Variants in CTDP1 observed in about 807,000 individuals in gnomAD.
The protein encoded by CTDP1 is RNA polymerase II subunit A C-terminal domain phosphatase.
CTDP1 carries 47 observed loss-of-function variants against 91.8 expected under a neutral mutation model. The ratio of observed to expected loss-of-function variants is 0.51; its 90% CI spans 0.41 to 0.65. The LOEUF (loss-of-function observed/expected upper bound fraction) is 0.65. Ranked by LOEUF, CTDP1 falls within the 30% of genes least tolerant of loss-of-function variation. The pLI, the probability that CTDP1 is intolerant of heterozygous loss-of-function variation, is 0.00. For missense variants in CTDP1, 1,272 were observed against 1,373.7 expected (o/e 0.93, Z 1.17); for synonymous variants, 656 against 598.5 (o/e 1.10, Z -1.40).
At chr18:79,748,981 C>T (rs1253362523) in intron 12 of CTDP1, among the ~76,000 whole-genome samples, 1 of 152,238 alleles carries the variant, frequency 6.6e-6, no homozygotes, top group East Asian at 1.9e-4. Flanking sequence ...GAGGTGGTCC[C>T]TTCCGTGGGC....
At position 79,681,565 on chromosome 18, in the gene CTDP1, A is replaced by G. The variant is rs149629309; in HGVS notation, c.314+1304A>G. On this transcript the variant is annotated intron_variant, in intron 1 of 12. Transcript: ENST00000613122. ...AAGTTAGTATTGAAATTCCATGTTC[A>G]GTCAGTCTAGTGAATAAAACCAACC... is the stretch of plus-strand genomic sequence containing the variant. 14 of 905,402 alleles carry G rather than the reference A, an allele frequency of 1.5e-5. No homozygotes were observed. The East Asian group carries it at 1.3e-3, about 84-fold the overall frequency. The allele number at this position is 905,402 out of a possible 1,614,324, so 56.1% of individuals were successfully genotyped here.
chr18:79,723,845 GCTGT>G (rs1285655594), intron 10 of CTDP1, among the ~76,000 whole-genome samples: 1 of 152,164 alleles, frequency 6.6e-6, no homozygotes, highest in Admixed American at 6.5e-5. Context: ...TCTCCGGAGT[GCTGT>G]GTACGGCAAG....
chr18:79,710,484 C>A, intron 6 of CTDP1, 48 bp downstream of exon 6: 1 of 1,377,912 alleles, frequency 7.3e-7, no homozygotes, highest in African/African-American at 1.4e-5. Flanking sequence ...GTTCATTTCC[C>A]ATTTCAAAAA....
chr18:79,727,255 G>A (rs1049758395), intron 10 of CTDP1, among the ~76,000 whole-genome samples: 1 of 152,240 alleles, frequency 6.6e-6, no homozygotes, highest in Non-Finnish European at 1.5e-5. Context: ...TTGGCCCTTT[G>A]AACAACACTG....
chr18:79,683,284 G>A (rs909143888), intron 1 of CTDP1: 22 of 152,360 alleles, frequency 1.4e-4, no homozygotes, highest in African/African-American at 5.3e-4. Context: ...CAAGCATTTG[G>A]TTGAAGTTTG....
In CTDP1 at chr18:79,713,256, T is replaced by C. The variant is rs2086120038; in HGVS notation, c.1030+118T>C. 5.5e-6 allele frequency: 6 copies of C among 1,082,060 alleles called. No homozygotes were observed. The allele number at this position is 1,082,060 out of a possible 1,614,324, so 67.0% of individuals were successfully genotyped here. A position where few individuals can be genotyped will look rare whatever the true frequency, so the allele number is the denominator to read the frequency against. On this transcript the variant is annotated intron_variant, in intron 7 of 12. Transcript: ENST00000613122. This position sits in a 1 kb window ranked among gnomAD's most constrained non-coding sequence, Gnocchi z 4.7. The stretch of plus-strand genomic sequence containing the variant: ...ATTCAAGATACACTTTTTTTATTTG[T>C]GTTTCAGTAGAGATTATTGGATTTA...
chr18:79,732,911 C>A (rs1169096857), intron 11 of CTDP1, among the ~76,000 whole-genome samples: 3 of 152,078 alleles, frequency 2.0e-5, no homozygotes, highest in Non-Finnish European at 4.4e-5. Flanking sequence ...CCCAAAATCA[C>A]CTGAGACATG....
intron 10 of CTDP1, among the ~76,000 whole-genome samples, chr18:79,720,704 G>A (rs529814414): frequency 1.1e-4 from 17 of 152,306 alleles, no homozygotes; most frequent in African/African-American, 4.1e-4. Context: ...AATACAAGGT[G>A]TCTTTCCAAC....
intron 5 of CTDP1, among the ~76,000 whole-genome samples, chr18:79,707,239 CCA>C (rs1259809454): frequency 6.6e-6 from 1 of 152,212 alleles, no homozygotes; most frequent in African/African-American, 2.4e-5. Flanking sequence ...GTATGGGTCA[CCA>C]CAGTCTGATT....
rs779827748 is a variant in CTDP1, at chr18:79,715,183, A to G, written c.1723A>G (p.Ser575Gly). 3.7e-6 allele frequency: 6 copies of G among 1,612,472 alleles called. No homozygotes were observed. Among genetic ancestry groups the G allele is most frequent in the Non-Finnish European group, 5.1e-6 (6 of 1,179,664 alleles). The change falls in exon 8 of 13, where the codon AGC becomes GGC. Residue 575 changes from serine (S) to glycine (G), a missense_variant. Ser to Gly is a moderately conservative substitution (Grantham distance 56). This residue lies in a region of CTDP1 where 881 missense variants were observed against 911.6 expected (regional missense o/e 0.97). Transcript: ENST00000613122. ...GVTAGESLDQ[S>G]MEEEEEEDTD... The stretch of plus-strand genomic sequence containing the variant: ...CACTGCGGGTGAGTCCCTGGACCAG[A>G]GCATGGAGGAGGAGGAGGAGGAGGA...
At chr18:79,694,260 T>TGTGAGC (rs2085692288) in intron 1 of CTDP1, among the ~76,000 whole-genome samples, 6 of 139,984 alleles carry the variant, frequency 4.3e-5, no homozygotes, top group African/African-American at 1.7e-4. Flanking sequence ...GTGTGGGGGC[T>TGTGAGC]ACAGGCACCT....
intron 10 of CTDP1, among the ~76,000 whole-genome samples, chr18:79,724,721 T>C (rs1355723918): frequency 6.6e-6 from 1 of 152,258 alleles, no homozygotes; most frequent in South Asian, 2.1e-4. Context: ...TTAGGAATCG[T>C]GCTTTTGCTG....
chr18:79,696,168 T>TGTC (rs2085741936), intron 3 of CTDP1, 98 bp downstream of exon 3: 1 of 1,048,826 alleles, frequency 9.5e-7, no homozygotes. Context: ...GACGTGTGGT[T>TGTC]GTCATCGTCG....
rs574170055 is a variant in CTDP1, at chr18:79,719,919, GTGA to G, written c.2417+1909_2417+1911del. 1.8e-4 allele frequency among the ~76,000 whole-genome samples: 26 copies of G among 147,236 alleles called. No individual in the cohort carries two copies. The South Asian group carries it at 3.2e-3, about 18-fold the overall frequency. ...TGATGTCACCTCCCATCGTGTCCTG[GTGA>G]TGATGTCACCTCCCATCATTAGGAA... On this transcript the variant is annotated intron_variant, in intron 10 of 12. Transcript: ENST00000613122.
chr18:79,747,993 G>T (rs991297630), intron 12 of CTDP1, among the ~76,000 whole-genome samples: 4 of 152,188 alleles, frequency 2.6e-5, no homozygotes, highest in African/African-American at 9.7e-5. Flanking sequence ...ATATTATTCT[G>T]TTTGTATTCT....
chr18:79,722,819 C>T (rs557501796), intron 10 of CTDP1, among the ~76,000 whole-genome samples: 2 of 152,344 alleles, frequency 1.3e-5, no homozygotes, highest in African/African-American at 4.8e-5. Flanking sequence ...GAAACGGGAC[C>T]AGCCGGCAGG....
chr18:79,725,510 G>A (rs1347298537), intron 10 of CTDP1, among the ~76,000 whole-genome samples: 3 of 151,798 alleles, frequency 2.0e-5, no homozygotes, highest in Non-Finnish European at 4.4e-5. Flanking sequence ...GAATTGCTCC[G>A]CTTACCTTCT....
intron 12 of CTDP1, among the ~76,000 whole-genome samples, chr18:79,745,264 CGTCCCTCCCGTGCGCGTTCTGTCCCT>C (rs2086859167): frequency 2.2e-5 from 3 of 134,694 alleles, no homozygotes; most frequent in African/African-American, 8.3e-5. Flanking sequence ...TCTGTCCCTG[CGTCCCTCCCGTGCGCGTTCTGTCCCT>C]GCGTCCCTCC....
intron 10 of CTDP1, 123 bp downstream of exon 10, chr18:79,718,139 C>A: frequency 1.7e-6 from 2 of 1,143,308 alleles, no homozygotes; most frequent in Non-Finnish European, 2.5e-6. Flanking sequence ...CAGACGGTGA[C>A]TCCTGCTTCC....
Sources: allele counts gnomAD v4.1 joint callset (sites outside exome capture counted in the v4.1 genomes callset), GRCh38; gene constraint gnomAD v4.1.1; regional missense constraint gnomAD v4.1.1; non-coding constraint Gnocchi (gnomAD v3.1); transcripts MANE v1.5; gene names NCBI Gene and HGNC (gene_info 2026-07-23, HGNC 2026-07-21).